SLC10A6: variants seen among roughly 807,000 people sequenced by gnomAD.
SLC10A6 encodes the protein sodium-dependent organic anion transporter.
In SLC10A6, 27 loss-of-function variants were observed where a neutral mutation model predicts 30.0. The ratio of observed to expected loss-of-function variants is 0.90; its 90% CI spans 0.66 to 1.24. The LOEUF (loss-of-function observed/expected upper bound fraction) is 1.24. SLC10A6 is among the 50% of genes most tolerant of loss of function. The pLI is 0.00. For synonymous variants in SLC10A6, 166 were observed against 173.8 expected, an observed-to-expected ratio of 0.95 and a Z score of 0.36; for missense variants, 439 against 457.0, an observed-to-expected ratio of 0.96 and a Z score of 0.36.
At chr4:86,837,298 G>GAAAGAAA (rs1560460409) in intron 1 of SLC10A6, among the ~76,000 whole-genome samples, 7 of 89,286 alleles carry the variant, frequency 7.8e-5, no homozygotes, top group African/African-American at 3.3e-4. Flanking sequence ...AGAAAGGAAG[G>GAAAGAAA]AAGGAAGGAA....
At chr4:86,826,934 G>C (rs116467077) in intron 4 of SLC10A6, among the ~76,000 whole-genome samples, 264 of 152,272 alleles carry the variant, frequency 1.7e-3, no homozygotes, top group African/African-American at 6.0e-3. Context: ...TAATGAGGGG[G>C]TGAAAATGCT....
intron 1 of SLC10A6, among the ~76,000 whole-genome samples, chr4:86,846,272 A>AGT (rs1045204250): frequency 7.9e-5 from 12 of 152,140 alleles, no homozygotes; most frequent in African/African-American, 2.7e-4. Context: ...TCTAATATTT[A>AGT]GTTTTTGCTT....
At chr4:86,837,611 C>G in intron 1 of SLC10A6, 1 of 985,388 alleles carries the variant, frequency 1.0e-6, no homozygotes, top group Non-Finnish European at 1.2e-6. Context: ...TCTATTCTTT[C>G]CATCTCAGTC....
At chr4:86,841,731 T>C (rs1204115896) in intron 1 of SLC10A6, among the ~76,000 whole-genome samples, 1 of 152,244 alleles carries the variant, frequency 6.6e-6, no homozygotes, top group African/African-American at 2.4e-5. Flanking sequence ...ATAAATTGTT[T>C]TAATTTCAAA....
At chr4:86,826,031 T>C (rs959672402) in intron 4 of SLC10A6, among the ~76,000 whole-genome samples, 1 of 152,118 alleles carries the variant, frequency 6.6e-6, no homozygotes, top group African/African-American at 2.4e-5. Context: ...GCATTGCATA[T>C]ACTGTAAGCC....
chr4:86,845,400 G>A (rs932245435), intron 1 of SLC10A6, among the ~76,000 whole-genome samples: 1 of 152,216 alleles, frequency 6.6e-6, no homozygotes, highest in African/African-American at 2.4e-5. Flanking sequence ...ACCTGGAGAA[G>A]TAAAGTAGAC....
rs527444104 is a variant in SLC10A6, at chr4:86,842,707, AAAAAG to A, written c.377+6027_377+6031del. 6.0e-3 allele frequency among the ~76,000 whole-genome samples: 522 copies of A among 87,660 alleles called. 58 individuals are homozygous for A. Among genetic ancestry groups the A allele is most frequent in the South Asian group, 0.017 (65 of 3,832 alleles). 57.5% of individuals were successfully genotyped at this position (87,660 alleles called of 152,430 possible). On this transcript the variant is annotated intron_variant, in intron 1 of 5. Coordinates refer to ENST00000273905, the MANE Select transcript of SLC10A6 (RefSeq NM_197965.3). Reference sequence around the variant, plus strand: ...TCTAAGACCCTGTCTCAAAAAAAAAAAAAAGAAAAGAAAAGAAAAGAAAAGAAAAG... The same window carrying A: ...TCTAAGACCCTGTCTCAAAAAAAAAAAAAAGAAAAGAAAAGAAAAGAAAAG...
intron 1 of SLC10A6, among the ~76,000 whole-genome samples, chr4:86,846,483 G>A (rs915233660): frequency 7.9e-5 from 12 of 152,164 alleles, no homozygotes; most frequent in African/African-American, 2.7e-4. Flanking sequence ...ACTTTGGGAG[G>A]CCGAGACAAG....
intron 1 of SLC10A6, among the ~76,000 whole-genome samples, chr4:86,835,929 A>C (rs879646331): frequency 6.8e-6 from 1 of 147,650 alleles, no homozygotes; most frequent in Non-Finnish European, 1.5e-5. Context: ...TGATAGTGGG[A>C]CATCCAGTCT....
intron 1 of SLC10A6, 106 bp downstream of exon 1, chr4:86,848,633 T>G: frequency 7.3e-7 from 1 of 1,375,864 alleles, no homozygotes; most frequent in Non-Finnish European, 9.9e-7. Context: ...CATTTCCCAC[T>G]AGAATCTCTA....
chr4:86,829,741 GTTT>G (rs771242691), intron 3 of SLC10A6, among the ~76,000 whole-genome samples: 1 of 145,500 alleles, frequency 6.9e-6, no homozygotes. Context: ...CATTAGCCTA[GTTT>G]TTTTTTTTTA....
chr4:86,844,890 G>A (rs957188009), intron 1 of SLC10A6, among the ~76,000 whole-genome samples: 2 of 152,168 alleles, frequency 1.3e-5, no homozygotes, highest in Non-Finnish European at 2.9e-5. Context: ...GAAGAACAAA[G>A]GAGGAACTTC....
At chr4:86,826,605 A>G (rs866190224) in intron 4 of SLC10A6, among the ~76,000 whole-genome samples, 9 of 152,264 alleles carry the variant, frequency 5.9e-5, no homozygotes, top group Middle Eastern at 3.4e-3. Flanking sequence ...CCCTGAATAA[A>G]GACCAAATTC....
At chr4:86,829,230 C>A (rs556805199) in intron 3 of SLC10A6, among the ~76,000 whole-genome samples, 1 of 152,102 alleles carries the variant, frequency 6.6e-6, no homozygotes, top group African/African-American at 2.4e-5. Flanking sequence ...GCCAACATGG[C>A]AAAATCCTGT....
intron 1 of SLC10A6, among the ~76,000 whole-genome samples, chr4:86,837,297 GGA>G: frequency 1.0e-5 from 1 of 95,426 alleles, no homozygotes; most frequent in Non-Finnish European, 2.1e-5. Context: ...AAGAAAGGAA[GGA>G]AGGAAGGAAG....
intron 1 of SLC10A6, among the ~76,000 whole-genome samples, chr4:86,834,484 ATATAG>A (rs1746146301): frequency 6.6e-6 from 1 of 152,248 alleles, no homozygotes; most frequent in Admixed American, 6.5e-5. Flanking sequence ...TATTCTATTA[ATATAG>A]TATATCACAT....
chr4:86,841,005 C>A (rs1260003143), intron 1 of SLC10A6, among the ~76,000 whole-genome samples: 1 of 152,174 alleles, frequency 6.6e-6, no homozygotes. Context: ...TCTGTATCCA[C>A]AAAGAGGCTG....
chr4:86,830,178 T>C (rs1746055398), intron 3 of SLC10A6, among the ~76,000 whole-genome samples: 1 of 152,152 alleles, frequency 6.6e-6, no homozygotes. Context: ...AGAGGATCCC[T>C]TGAGGCCAGG....
In SLC10A6 at chr4:86,823,758, GGAGT is replaced by G. The variant is rs1745922120; in HGVS notation, c.1060_1063del (p.Thr354LeufsTer27). The G allele has an allele frequency of 6.2e-7, 1 of 1,614,068 alleles. No individual in the cohort carries two copies. The highest frequency in any genetic ancestry group is 1.1e-5 in the South Asian group (1 of 91,086). On this transcript the variant is annotated frameshift_variant, in exon 6 of 6. Coordinates refer to ENST00000273905, the MANE Select transcript of SLC10A6 (RefSeq NM_197965.3). LOFTEE classifies it low-confidence loss of function (END_TRUNC). ...GCAATCCATTGGCCCTGGTGGCCCA[GGAGT>G]GATGGCACCTTCTTCATTCACCTCC...
Sources: gnomAD v4.1 joint callset for allele counts (sites outside exome capture counted in the v4.1 genomes callset) on GRCh38, gnomAD v4.1.1 for gene constraint, MANE v1.5 for transcripts, NCBI Gene and HGNC (gene_info 2026-07-23, HGNC 2026-07-21) for gene names.